Variants in SRP68 observed in about 807,000 individuals in gnomAD.
SRP68 encodes the protein signal recognition particle 68.
In SRP68, 15 loss-of-function variants were observed where a neutral mutation model predicts 82.2. The ratio of observed to expected loss-of-function variants is 0.18; its 90% confidence interval spans 0.12 to 0.28. The LOEUF (loss-of-function observed/expected upper bound fraction) is 0.28, where lower values mean the gene tolerates loss of function less well. Ranked by LOEUF, SRP68 falls within the 10% of genes least tolerant of loss-of-function variation. SRP68 has a pLI of 1.00. For missense variants in SRP68, 595 were observed against 780.5 expected, an observed-to-expected ratio of 0.76 and a Z score of 2.83; for synonymous variants, 261 against 292.6, an observed-to-expected ratio of 0.89 and a Z score of 1.10.
At chr17:76,069,793 T>C (rs1345322538) in intron 2 of SRP68, among the ~76,000 whole-genome samples, 1 of 146,378 alleles carries the variant, frequency 6.8e-6, no homozygotes, top group Non-Finnish European at 1.5e-5. Flanking sequence ...AAAAAAGAAA[T>C]AGGCCAGACA....
At chr17:76,040,022 C>A in intron 15 of SRP68, 89 bp from the exon 16 acceptor site, 1 of 1,301,248 alleles carries the variant, frequency 7.7e-7, no homozygotes, top group Non-Finnish European at 1.1e-6. Context: ...TGGTTCAGAG[C>A]TTTACAGGGG....
intron 4 of SRP68, among the ~76,000 whole-genome samples, chr17:76,062,988 T>C (rs529768428): frequency 2.1e-4 from 32 of 150,990 alleles, no homozygotes; most frequent in South Asian, 4.2e-4. Flanking sequence ...GCCAGGATGG[T>C]CTCGATCTCC....
In SRP68 at chr17:76,070,375, A is replaced by C. The variant is rs778190482; in HGVS notation, c.251+3T>G. On this transcript the variant is annotated splice_donor_region_variant and intron_variant, in intron 2 of 15. Coordinates refer to ENST00000307877, the MANE Select transcript of SRP68 (RefSeq NM_014230.4). Reference sequence around the variant, plus strand: ...TTCCAAACATCTTGTATGTGATACTAACCTGTACCTCTGAAAATCTCCATG... The same window carrying C: ...TTCCAAACATCTTGTATGTGATACTCACCTGTACCTCTGAAAATCTCCATG... 1 of 1,613,108 alleles carries C rather than the reference A, an allele frequency of 6.2e-7. No individual in the cohort carries two copies. The highest frequency in any genetic ancestry group is 2.2e-5 in the East Asian group (1 of 44,872).
intron 3 of SRP68, among the ~76,000 whole-genome samples, chr17:76,065,903 C>T (rs116703060): frequency 1.1e-3 from 167 of 151,602 alleles, no homozygotes; most frequent in African/African-American, 3.8e-3. Flanking sequence ...GCCTCCTCTC[C>T]TTCTATATCT....
intron 8 of SRP68, among the ~76,000 whole-genome samples, chr17:76,055,025 C>T (rs1186934501): frequency 4.0e-5 from 6 of 151,468 alleles, no homozygotes; most frequent in East Asian, 3.9e-4. Context: ...GGCGCAATCT[C>T]GGCTCACTGC....
chr17:76,061,969 T>A (rs1222130312), intron 4 of SRP68, among the ~76,000 whole-genome samples: 1 of 150,906 alleles, frequency 6.6e-6, no homozygotes, highest in Admixed American at 6.6e-5. Flanking sequence ...CAAGATCTCA[T>A]CTCTACCAAA....
intron 9 of SRP68, chr17:76,048,317 C>A (rs1021328613): frequency 1.2e-4 from 19 of 158,876 alleles, no homozygotes; most frequent in African/African-American, 4.3e-4. Context: ...CCCAGTTCCA[C>A]CCCTTGTGCT....
chr17:76,069,795 G>A (rs1367532305), intron 2 of SRP68, among the ~76,000 whole-genome samples: 1 of 151,054 alleles, frequency 6.6e-6, no homozygotes, highest in Non-Finnish European at 1.5e-5. Context: ...AAAAGAAATA[G>A]GCCAGACACG....
intron 8 of SRP68, among the ~76,000 whole-genome samples, chr17:76,056,953 A>G (rs2066717790): frequency 6.6e-6 from 1 of 152,242 alleles, no homozygotes; most frequent in South Asian, 2.1e-4. Flanking sequence ...TTTTGCATGA[A>G]TATTACATGT....
chr17:76,061,014 A>C, intron 6 of SRP68, 96 bp downstream of exon 6: 1 of 786,378 alleles, frequency 1.3e-6, no homozygotes, highest in Non-Finnish European at 2.2e-6. Context: ...GCGAAGAAGA[A>C]AGTTACATCA....
intron 8 of SRP68, 51 bp from the exon 9 acceptor site, chr17:76,050,577 T>C: frequency 6.9e-7 from 1 of 1,456,846 alleles, no homozygotes; most frequent in Non-Finnish European, 9.6e-7. Flanking sequence ...CAAACCATAG[T>C]CACCTAATGG....
chr17:76,043,968 A>C lies in SRP68; in HGVS notation c.1395-10T>G, dbSNP rs772334532. 11 of 1,595,026 alleles carry C rather than the reference A, an allele frequency of 6.9e-6. No homozygotes were observed. The highest frequency in any genetic ancestry group is 9.4e-6 in the Non-Finnish European group (11 of 1,174,910). The stretch of plus-strand genomic sequence containing the variant: ...AGCAATGAAAAAACACCTGATGGGG[A>C]GGGAAAAGAGCCACAATATTCTAAA... On this transcript the variant is annotated splice_polypyrimidine_tract_variant and intron_variant, in intron 12 of 15. Coordinates refer to ENST00000307877, the MANE Select transcript of SRP68 (RefSeq NM_014230.4).
At position 76,046,470 on chromosome 17, in the gene SRP68, A is replaced by AAC. The variant is rs1567927399; in HGVS notation, c.1143-277_1143-276insGT. 1.9e-5 allele frequency among the ~76,000 whole-genome samples: 2 copies of AAC among 103,760 alleles called. 1 individual carries two copies. The highest frequency in any genetic ancestry group is 3.5e-5 in the Non-Finnish European group (2 of 57,790). The allele number at this position is 103,760 out of a possible 152,430, so 68.1% of individuals were successfully genotyped here. The stretch of plus-strand genomic sequence containing the variant: ...TTTTCAAGAACCACACAGTGGAAAA[A>AAC]AAAAAAAAAAAAAACAAAAAACAGA... On this transcript the variant is annotated intron_variant, in intron 10 of 15. Coordinates refer to ENST00000307877, the MANE Select transcript of SRP68 (RefSeq NM_014230.4).
intron 9 of SRP68, chr17:76,048,730 TA>T (rs1490441839): frequency 2.6e-5 from 4 of 152,306 alleles, no homozygotes; most frequent in East Asian, 3.9e-4. Context: ...TCGAGAAGCG[TA>T]AGATAATACA....
chr17:76,057,605 T>C (rs895012417), intron 7 of SRP68, 62 bp from the exon 8 acceptor site: 8 of 1,560,334 alleles, frequency 5.1e-6, no homozygotes, highest in Non-Finnish European at 7.0e-6. Flanking sequence ...GAGGTGAAAA[T>C]AAGTGGAATC....
At position 76,061,099 on chromosome 17, in the gene SRP68, C is replaced by T. The variant is rs1271699881; in HGVS notation, c.754+11G>A. On this transcript the variant is annotated intron_variant, in intron 6 of 15. Transcript: ENST00000307877. ...TCAAGTTGAGTATAATGCCTTGATC[C>T]CTGCTCTCACCAATATTATATGCAC... 1 of 1,553,522 alleles carries T rather than the reference C, an allele frequency of 6.4e-7. No individual in the cohort carries two copies. The highest frequency in any genetic ancestry group is 1.1e-5 in the South Asian group (1 of 89,656).
At chr17:76,044,155 GC>G (rs1567926341) in intron 12 of SRP68, among the ~76,000 whole-genome samples, 197 bp from the exon 13 acceptor site, 2 of 152,162 alleles carry the variant, frequency 1.3e-5, no homozygotes, top group African/African-American at 4.8e-5. Context: ...AATCAGAGAT[GC>G]CCAGGTAGGC....
rs1437228819 is a variant in SRP68 at position 76,063,961 on chromosome 17, T to A, written c.561+15A>T. The stretch of plus-strand genomic sequence containing the variant: ...TAATCTCCACAATAAACAAGCTGAA[T>A]GTTGAGGTACTAACCTGAGCCTCTA... On this transcript the variant is annotated intron_variant, in intron 4 of 15. Coordinates refer to ENST00000307877, the MANE Select transcript of SRP68 (RefSeq NM_014230.4). The A allele has an allele frequency of 1.2e-6, 2 of 1,600,444 alleles. No individual in the cohort carries two copies. The highest frequency in any genetic ancestry group is 1.3e-5 in the African/African-American group (1 of 74,354).
intron 8 of SRP68, among the ~76,000 whole-genome samples, chr17:76,056,164 G>T (rs944540185): frequency 1.3e-5 from 2 of 151,882 alleles, no homozygotes; most frequent in African/African-American, 4.8e-5. Flanking sequence ...TCTTCATTTG[G>T]TACGTGTCTG....
Sources: gnomAD v4.1 joint callset for allele counts (sites outside exome capture counted in the v4.1 genomes callset) on GRCh38, gnomAD v4.1.1 for gene constraint, MANE v1.5 for transcripts, NCBI Gene and HGNC (gene_info 2026-07-23, HGNC 2026-07-21) for gene names.